The following ATF3 variants were observed in gnomAD, a reference collection of about 807,000 sequenced individuals.
ATF3 encodes cyclic AMP-dependent transcription factor ATF-3.
In ATF3, 10 loss-of-function variants were observed where a neutral mutation model predicts 18.4. That is an observed-to-expected ratio of 0.54 (90% CI 0.34 to 0.92). The LOEUF is 0.92. Ranked by LOEUF, ATF3 falls within the 40% of genes least tolerant of loss-of-function variation. The probability of loss-of-function intolerance (pLI) is 0.02; values close to 1 mark genes in which losing one functional copy is unlikely to be tolerated. For missense variants in ATF3, 183 were observed against 222.3 expected (o/e 0.82, Z 1.12); for synonymous variants, 78 against 87.9 (o/e 0.89, Z 0.63).
chr1:212,607,994 A>T (rs1472365663), upstream of ATF3, among the ~76,000 whole-genome samples: 1 of 151,784 alleles, frequency 6.6e-6, no homozygotes, highest in East Asian at 1.9e-4. Context: ...GTCCATGTGG[A>T]GTGTCCGGGG....
chr1:212,601,542 A>G (rs1243554088), intron 1 of ATF3, among the ~76,000 whole-genome samples: 1 of 152,216 alleles, frequency 6.6e-6, no homozygotes. Context: ...TAAATCAAGT[A>G]CCTATGAGCA....
intron 1 of ATF3, among the ~76,000 whole-genome samples, chr1:212,566,038 T>C (rs1664376675): frequency 6.6e-6 from 1 of 152,054 alleles, no homozygotes; most frequent in East Asian, 1.9e-4. Flanking sequence ...ATGGGCTGGA[T>C]ATGGGGAGAG....
At chr1:212,586,698 C>T (rs1175822450) in intron 1 of ATF3, among the ~76,000 whole-genome samples, 2 of 152,172 alleles carry the variant, frequency 1.3e-5, no homozygotes, top group African/African-American at 4.8e-5. Context: ...CATGAATTGA[C>T]GTGGGAGAAA....
intron 1 of ATF3, among the ~76,000 whole-genome samples, chr1:212,603,202 G>A (rs1399918889): frequency 6.6e-6 from 1 of 152,088 alleles, no homozygotes; most frequent in Admixed American, 6.5e-5. Flanking sequence ...AGCTGCCCGA[G>A]CTACACTGAG....
At position 212,617,932 on chromosome 1, in the gene ATF3, CGT is replaced by C. The variant is rs10545342; in HGVS notation, c.241-183_241-182del. ...AACTTTGATTTTTGTTGTTCACTCA[CGT>C]GTGTGTGTGTGCGTGTGTGTGTGTG... On this transcript the variant is annotated intron_variant, in intron 2 of 3. Coordinates refer to ENST00000341491, the MANE Select transcript of ATF3 (RefSeq NM_001674.4). Among the ~76,000 whole-genome samples the C allele has an allele frequency of 1.7e-3, 180 of 106,664 alleles. 1 individual carries two copies. The highest frequency in any genetic ancestry group is 0.011 in the East Asian group (52 of 4,712). 70.0% of individuals were successfully genotyped at this position (106,664 alleles called of 152,430 possible).
chr1:212,619,803 C>A lies in ATF3; in HGVS notation c.*248C>A, dbSNP rs895823089. On this transcript the variant is annotated 3_prime_UTR_variant, in exon 4 of 4. Coordinates refer to ENST00000341491, the MANE Select transcript of ATF3 (RefSeq NM_001674.4). This position sits in a 1 kb window ranked among gnomAD's most constrained non-coding sequence, Gnocchi z 4.4. ...TTTAGGCCTTAACACACTGGCCATT[C>A]TTATGTTCCAGATGGCCCCCAGCTG... 9.4e-6 allele frequency: 4 copies of A among 423,532 alleles called. No individual in the cohort carries two copies. The Admixed American group carries it at 1.4e-4, about 15-fold the overall frequency. The allele number at this position is 423,532 out of a possible 1,614,324, so 26.2% of individuals were successfully genotyped here.
At chr1:212,576,759 G>A (rs1413461883) in intron 1 of ATF3, among the ~76,000 whole-genome samples, 4 of 105,972 alleles carry the variant, frequency 3.8e-5, no homozygotes, top group Admixed American at 1.5e-4. Context: ...GCAGAGTCTC[G>A]CTCTGTCGCC....
chr1:212,596,327 T>C (rs1410548483), intron 1 of ATF3, among the ~76,000 whole-genome samples: 1 of 152,250 alleles, frequency 6.6e-6, no homozygotes, highest in African/African-American at 2.4e-5. Context: ...ATTCCACTTC[T>C]GTGATTTCAC....
intron 1 of ATF3, among the ~76,000 whole-genome samples, chr1:212,601,002 T>C (rs886788779): frequency 6.6e-6 from 1 of 152,202 alleles, no homozygotes; most frequent in Non-Finnish European, 1.5e-5. Context: ...ATATTGTCCT[T>C]GTAACCCCAA....
At chr1:212,600,821 C>T (rs887495066) in intron 1 of ATF3, among the ~76,000 whole-genome samples, 3 of 152,134 alleles carry the variant, frequency 2.0e-5, no homozygotes, top group African/African-American at 4.8e-5. Flanking sequence ...GCTTCTGACA[C>T]GGTATCCAGC....
intron 1 of ATF3, among the ~76,000 whole-genome samples, chr1:212,586,765 G>A (rs1411882381): frequency 6.6e-6 from 1 of 152,152 alleles, no homozygotes; most frequent in African/African-American, 2.4e-5. Flanking sequence ...GAATTTTATG[G>A]GAAGGCAAAA....
Position 212,615,091 on chromosome 1 carries a change from T to A in ATF3, c.70T>A (p.Ser24Thr). Residue 24 changes from serine (S) to threonine (T), a missense_variant, in exon 2 of 4, where the codon TCC becomes ACC. Transcript: ENST00000341491. ...TGCTTCTGCCATCGTCCCCTGCCTG[T>A]CCCCTCCTGGGTCACTGGTGTTTGA... ...VSASAIVPCL[S>T]PPGSLVFEDF... 1 of 1,614,126 alleles carries A rather than the reference T, an allele frequency of 6.2e-7. No homozygotes were observed. The highest frequency in any genetic ancestry group is 8.5e-7 in the Non-Finnish European group (1 of 1,180,008).
chr1:212,614,732 C>T (rs1276598877), intron 1 of ATF3, among the ~76,000 whole-genome samples: 1 of 152,196 alleles, frequency 6.6e-6, no homozygotes, highest in Admixed American at 6.5e-5. Context: ...CACATAGGCA[C>T]ACCAGCCAAA....
rs113105300 is a variant in ATF3 at position 212,615,281 on chromosome 1, T to C, written c.240+20T>C. 1.4e-4 allele frequency: 226 copies of C among 1,612,006 alleles called. No individual in the cohort carries two copies. In the African/African-American group the frequency reaches 2.6e-3, roughly 18 times the overall value. ...GCCGAGGTGGGTTCTATCACAGGTA[T>C]TCATTCTTTCGGCACATGTTTCGCT... On this transcript the variant is annotated intron_variant, in intron 2 of 3. Transcript: ENST00000341491.
At chr1:212,572,692 G>A (rs746451652) in intron 1 of ATF3, among the ~76,000 whole-genome samples, 1 of 152,142 alleles carries the variant, frequency 6.6e-6, no homozygotes, top group African/African-American at 2.4e-5. Flanking sequence ...TTGCCATAAA[G>A]CTTAGTATTC....
intron 1 of ATF3, among the ~76,000 whole-genome samples, chr1:212,584,179 T>A (rs1571763809): frequency 6.6e-6 from 1 of 152,052 alleles, no homozygotes; most frequent in African/African-American, 2.4e-5. Context: ...AATATGTATT[T>A]ATGAACAACT....
chr1:212,585,783 C>T (rs1209832460), intron 1 of ATF3, among the ~76,000 whole-genome samples: 3 of 148,676 alleles, frequency 2.0e-5, no homozygotes, highest in African/African-American at 7.4e-5. Context: ...CTGGAGGGGT[C>T]TCAGTTCTAG....
At position 212,620,553 on chromosome 1, in the gene ATF3, G is replaced by A. The variant is rs1655344481; in HGVS notation, c.*998G>A. ...TGTTTTTGTCATGTAGCTGTTTTAA[G>A]AAATCTGGCCCAGGGTGTTTGCAGC... On this transcript the variant is annotated 3_prime_UTR_variant, in exon 4 of 4. Transcript: ENST00000341491. 1 of 152,638 alleles carries A rather than the reference G, an allele frequency of 6.6e-6. No homozygotes were observed. The highest frequency in any genetic ancestry group is 1.5e-5 in the Non-Finnish European group (1 of 68,038). The allele number at this position is 152,638 out of a possible 1,614,324, so 9.5% of individuals were successfully genotyped here.
At chr1:212,606,210 G>A (rs1206622853), upstream of ATF3, among the ~76,000 whole-genome samples, 2 of 152,190 alleles carry the variant, frequency 1.3e-5, no homozygotes, top group African/African-American at 2.4e-5. Flanking sequence ...GGGGGCTGAG[G>A]GGAGGGAGGC....
Sources: allele counts gnomAD v4.1 joint callset (sites outside exome capture counted in the v4.1 genomes callset), GRCh38; gene constraint gnomAD v4.1.1; non-coding constraint Gnocchi (gnomAD v3.1); transcripts MANE v1.5; gene names NCBI Gene and HGNC (gene_info 2026-07-23, HGNC 2026-07-21).